PRKAR1B: variants seen among roughly 807,000 people sequenced by gnomAD.
PRKAR1B encodes the protein cAMP-dependent protein kinase type I-beta regulatory subunit.
PRKAR1B carries 22 observed loss-of-function variants against 46.5 expected under a neutral mutation model. The observed-to-expected ratio is 0.47, with a 90% CI of 0.34 to 0.68. PRKAR1B has a LOEUF of 0.68. Ranked by LOEUF, PRKAR1B falls within the 30% of genes least tolerant of loss-of-function variation. PRKAR1B has a pLI of 0.01. For missense variants in PRKAR1B, 445 were observed against 535.6 expected (o/e 0.83, Z 1.67); for synonymous variants, 259 against 217.7 (o/e 1.19, Z -1.67).
At chr7:711,877 G>A (rs559980130) in intron 1 of PRKAR1B, among the ~76,000 whole-genome samples, 3 of 151,368 alleles carry the variant, frequency 2.0e-5, no homozygotes, top group Non-Finnish European at 4.4e-5. Context: ...CAGCCGGGGG[G>A]TTCCAGGGCC....
In PRKAR1B at chr7:636,372, ACACGTCCTCCACCGGCCGCGCCCT is replaced by A. The variant is rs1562579213; in HGVS notation, c.441-28944_441-28921del. 4.4e-3 allele frequency among the ~76,000 whole-genome samples: 130 copies of A among 29,464 alleles called. 10 individuals carry two copies. Among genetic ancestry groups the A allele is most frequent in the Middle Eastern group, 0.03 (2 of 66 alleles). 19.3% of individuals were successfully genotyped at this position (29,464 alleles called of 152,430 possible). ...CACACGTCCTCCACCGGCCGCGCCCACACGTCCTCCACCGGCCGCGCCCTCACGTCCTCCACCGGCCGCGCCCAC... is the reference window on the plus strand; with the variant it reads ...CACACGTCCTCCACCGGCCGCGCCCACACGTCCTCCACCGGCCGCGCCCAC... On this transcript the variant is annotated intron_variant, in intron 4 of 10. Coordinates refer to ENST00000537384, the MANE Select transcript of PRKAR1B (RefSeq NM_001164760.2).
At chr7:573,002 C>G (rs1779612839) in intron 9 of PRKAR1B, among the ~76,000 whole-genome samples, 1 of 152,134 alleles carries the variant, frequency 6.6e-6, no homozygotes, top group Non-Finnish European at 1.5e-5. Context: ...GCCTCCAGCG[C>G]CTGCCGAGAA....
chr7:632,480 C>T (rs938773584), intron 4 of PRKAR1B, among the ~76,000 whole-genome samples: 7 of 152,242 alleles, frequency 4.6e-5, no homozygotes, highest in South Asian at 2.1e-4. Flanking sequence ...ACGGCCACTG[C>T]GTCTGAAGAC....
At chr7:620,418 C>T (rs1052271165) in intron 4 of PRKAR1B, among the ~76,000 whole-genome samples, 3 of 152,202 alleles carry the variant, frequency 2.0e-5, no homozygotes, top group African/African-American at 7.2e-5. Context: ...TGAATGGCAT[C>T]CTTTCAAATT....
intron 3 of PRKAR1B, among the ~76,000 whole-genome samples, chr7:677,787 T>C (rs944860503): frequency 1.3e-5 from 2 of 152,260 alleles, no homozygotes; most frequent in Non-Finnish European, 2.9e-5. Flanking sequence ...TTCTGAGAAA[T>C]TCATCATGAG....
intron 4 of PRKAR1B, among the ~76,000 whole-genome samples, chr7:656,069 C>T (rs1785168385): frequency 2.0e-5 from 3 of 152,236 alleles, no homozygotes; most frequent in Non-Finnish European, 1.5e-5. Flanking sequence ...TCTCCTCCCA[C>T]TTGTGTCTAC....
chr7:615,320 G>A (rs1386184532), intron 4 of PRKAR1B, among the ~76,000 whole-genome samples: 1 of 151,964 alleles, frequency 6.6e-6, no homozygotes, highest in East Asian at 1.9e-4. Flanking sequence ...AGCTACCCGG[G>A]AGGCTGAGGC....
chr7:660,063 G>A (rs144417339), intron 4 of PRKAR1B, among the ~76,000 whole-genome samples: 219 of 152,064 alleles, frequency 1.4e-3, no homozygotes, highest in Admixed American at 3.5e-3. Flanking sequence ...GAGAGGTGCC[G>A]CCGCCTTGGG....
In PRKAR1B at chr7:653,878, C is replaced by T. The variant is rs558666642; in HGVS notation, c.440+23351G>A. Among the ~76,000 whole-genome samples the T allele has an allele frequency of 2.0e-5, 3 of 152,052 alleles. 1 individual carries two copies. The South Asian group carries it at 6.2e-4, about 32-fold the overall frequency. On this transcript the variant is annotated intron_variant, in intron 4 of 10. Transcript: ENST00000537384. ...CCATCATCACCAACATCACCATCATCACCTTCATCACCATCACTACCATCA... is the reference window on the plus strand; with the variant it reads ...CCATCATCACCAACATCACCATCATTACCTTCATCACCATCACTACCATCA...
intron 8 of PRKAR1B, among the ~76,000 whole-genome samples, chr7:582,072 G>C (rs571479798): frequency 6.6e-6 from 1 of 152,220 alleles, no homozygotes; most frequent in African/African-American, 2.4e-5. Flanking sequence ...GTAAACTGCA[G>C]AATAAACGCA....
At chr7:697,094 G>C (rs1412531528) in intron 2 of PRKAR1B, 1 of 152,264 alleles carries the variant, frequency 6.6e-6, no homozygotes. Flanking sequence ...AGCCATCTTC[G>C]TAACAACACT....
intron 9 of PRKAR1B, among the ~76,000 whole-genome samples, chr7:551,921 C>T (rs1314771470): frequency 2.2e-4 from 24 of 110,944 alleles, no homozygotes; most frequent in African/African-American, 4.4e-4. Context: ...GCCACCACCA[C>T]GTCACCACCC....
chr7:694,174 A>G (rs540928453), intron 2 of PRKAR1B, among the ~76,000 whole-genome samples: 498 of 152,108 alleles, frequency 3.3e-3, no homozygotes, highest in Non-Finnish European at 5.5e-3. Context: ...AGTCCCAGCT[A>G]CTCGGGGGGC....
chr7:597,713 G>A (rs1470714841), intron 6 of PRKAR1B, among the ~76,000 whole-genome samples: 1 of 152,220 alleles, frequency 6.6e-6, no homozygotes, highest in African/African-American at 2.4e-5. Context: ...GGGAGGACTG[G>A]CGATGAAGCC....
intron 4 of PRKAR1B, among the ~76,000 whole-genome samples, chr7:632,152 A>T (rs1031631236): frequency 2.0e-5 from 3 of 152,278 alleles, no homozygotes; most frequent in Admixed American, 2.0e-4. Flanking sequence ...GGTGCTGGCC[A>T]AGGTCTGTTA....
rs534331038 is a variant in PRKAR1B, at chr7:591,364, AC to A, written c.708+4781del. On this transcript the variant is annotated intron_variant, in intron 7 of 10. Coordinates refer to ENST00000537384, the MANE Select transcript of PRKAR1B (RefSeq NM_001164760.2). ...GGCTTTGTGTGGGAAAAGGCAGGTGACCCCCATTTCCAGGTACAGGGCTTCC... is the reference window on the plus strand; with the variant it reads ...GGCTTTGTGTGGGAAAAGGCAGGTGACCCCATTTCCAGGTACAGGGCTTCC... 3.3e-4 allele frequency among the ~76,000 whole-genome samples: 50 copies of A among 152,040 alleles called. 1 individual carries two copies. In the South Asian group the frequency reaches 7.3e-3, roughly 22 times the overall value.
In PRKAR1B at chr7:711,413, G is replaced by C. The variant is rs897490712; in HGVS notation, c.93C>G (p.Leu31=). The stretch of plus-strand genomic sequence containing the variant: ...TGCAGAGGTGGACGATACAGTCTTT[G>C]AGGACCTGCTGGATCCCGTGCAGCT... The part of the protein sequence containing the change: ...YVQLHGIQQV[L]KDCIVHLCIS... The change falls in exon 2 of 11, where the codon CTC becomes CTG. Residue 31 remains leucine, a synonymous_variant. Coordinates refer to ENST00000537384, the MANE Select transcript of PRKAR1B (RefSeq NM_001164760.2). The C allele has an allele frequency of 6.2e-7, 1 of 1,614,252 alleles. No homozygotes were observed. The highest frequency in any genetic ancestry group is 1.1e-5 in the South Asian group (1 of 91,090).
chr7:577,582 G>A (rs1779933314), intron 9 of PRKAR1B, among the ~76,000 whole-genome samples: 1 of 152,172 alleles, frequency 6.6e-6, no homozygotes, highest in African/African-American at 2.4e-5. Flanking sequence ...ACCTGGGGAG[G>A]GGGTTCCTCT....
intron 1 of PRKAR1B, among the ~76,000 whole-genome samples, chr7:715,251 C>T (rs1360475894): frequency 6.6e-6 from 1 of 152,142 alleles, no homozygotes; most frequent in Non-Finnish European, 1.5e-5. Flanking sequence ...TTGTTAGTCG[C>T]CACTGAGGAC....
Sources: gnomAD v4.1 joint callset for allele counts (sites outside exome capture counted in the v4.1 genomes callset) on GRCh38, gnomAD v4.1.1 for gene constraint, MANE v1.5 for transcripts, NCBI Gene and HGNC (gene_info 2026-07-23, HGNC 2026-07-21) for gene names.